SNX18: variants seen among roughly 807,000 people sequenced by gnomAD.
SNX18 encodes sorting nexin-18.
In SNX18, 35 loss-of-function variants were observed where a neutral mutation model predicts 48.7. That is an observed-to-expected ratio of 0.72 (90% confidence interval 0.55 to 0.95). The LOEUF (loss-of-function observed/expected upper bound fraction) is 0.95. Among genes scored for constraint, SNX18 ranks in the 40% least tolerant of loss-of-function variants. SNX18 has a pLI of 0.00. For missense variants in SNX18, 824 were observed against 871.0 expected (o/e 0.95, Z 0.68); for synonymous variants, 492 against 384.7 (o/e 1.28, Z -3.26).
intron 1 of SNX18, among the ~76,000 whole-genome samples, chr5:54,538,246 A>C (rs1580106775): frequency 6.6e-6 from 1 of 152,218 alleles, no homozygotes; most frequent in Non-Finnish European, 1.5e-5. Flanking sequence ...AACACTTGTA[A>C]TATTGTTTCT....
the SNX18 span, among the ~76,000 whole-genome samples, chr5:54,646,816 G>T: frequency 6.6e-6 from 1 of 152,136 alleles, no homozygotes; most frequent in Non-Finnish European, 1.5e-5. Context: ...TCCTACAAAT[G>T]CAAGAGGAAG....
chr5:54,638,434 G>A, the SNX18 span, among the ~76,000 whole-genome samples: 1 of 152,154 alleles, frequency 6.6e-6, no homozygotes, highest in Non-Finnish European at 1.5e-5. Flanking sequence ...CTATAAAATG[G>A]ATGTCACACT....
chr5:54,568,019 A>C, the SNX18 span, among the ~76,000 whole-genome samples: 1 of 152,278 alleles, frequency 6.6e-6, no homozygotes, highest in Non-Finnish European at 1.5e-5. Context: ...CTTGCTTCTA[A>C]AATTTCCTTA....
the SNX18 span, among the ~76,000 whole-genome samples, chr5:54,629,950 T>G: frequency 6.6e-6 from 1 of 152,170 alleles, no homozygotes; most frequent in East Asian, 1.9e-4. Context: ...TAAGAACAAG[T>G]AGGAAATAAT....
the SNX18 span, among the ~76,000 whole-genome samples, chr5:54,615,029 A>G: frequency 2.0e-5 from 3 of 152,278 alleles, no homozygotes; most frequent in African/African-American, 7.2e-5. Flanking sequence ...GACTCTAGGA[A>G]ACATACTCCT....
the SNX18 span, among the ~76,000 whole-genome samples, chr5:54,615,441 C>G: frequency 2.6e-5 from 4 of 150,992 alleles, no homozygotes; most frequent in African/African-American, 9.7e-5. Flanking sequence ...AAAAATCCAG[C>G]TTGGGTCATC....
the SNX18 span, among the ~76,000 whole-genome samples, chr5:54,587,347 A>G: frequency 6.6e-6 from 1 of 152,182 alleles, no homozygotes; most frequent in East Asian, 1.9e-4. Context: ...TTTATATCCT[A>G]TTAAGTACTA....
the SNX18 span, among the ~76,000 whole-genome samples, chr5:54,615,453 C>T: frequency 0.17 from 22,992 of 135,458 alleles, 2,040 homozygotes; most frequent in African/African-American, 0.25. Flanking sequence ...TGGGTCATCT[C>T]CTCTGTAAGG....
In SNX18 at chr5:54,543,352, T is replaced by G; in HGVS notation, c.1795T>G (p.Phe599Val). Residue 599 changes from phenylalanine to valine, a missense_variant, in exon 2 of 2, where the codon TTC (phenylalanine) becomes GTC (valine). Transcript: ENST00000381410. ...AGACTTTAAATCACAGATGCAGCAT[T>G]TCTTACAACAACAAATAATATTTTT... ...VRDFKSQMQHFLQQQIIFFQK... is the reference protein window; with the variant it reads ...VRDFKSQMQHVLQQQIIFFQK... The G allele has an allele frequency of 6.2e-7, 1 of 1,614,218 alleles. No homozygotes were observed. The highest frequency in any genetic ancestry group is 8.5e-7 in the Non-Finnish European group (1 of 1,180,036).
the SNX18 span, among the ~76,000 whole-genome samples, chr5:54,583,553 T>C: frequency 6.6e-6 from 1 of 152,208 alleles, no homozygotes; most frequent in Admixed American, 6.5e-5. Flanking sequence ...TCAGCAAACC[T>C]GGGCCCAGAT....
At chr5:54,537,100 C>G (rs548151709) in intron 1 of SNX18, among the ~76,000 whole-genome samples, 24 of 152,134 alleles carry the variant, frequency 1.6e-4, no homozygotes, top group Non-Finnish European at 2.2e-4. Flanking sequence ...GAGGCTGAGG[C>G]GGGCGGATCA....
chr5:54,603,507 T>C, the SNX18 span, among the ~76,000 whole-genome samples: 1 of 152,178 alleles, frequency 6.6e-6, no homozygotes, highest in Non-Finnish European at 1.5e-5. Flanking sequence ...CCTGGTTATG[T>C]TTTAGTCAAA....
the SNX18 span, among the ~76,000 whole-genome samples, chr5:54,646,390 C>G: frequency 6.6e-6 from 1 of 152,336 alleles, no homozygotes; most frequent in South Asian, 2.1e-4. Context: ...AACAGAAAGA[C>G]TCAGCTTGCC....
the SNX18 span, among the ~76,000 whole-genome samples, chr5:54,613,834 G>A: frequency 6.6e-6 from 1 of 152,144 alleles, no homozygotes; most frequent in Non-Finnish European, 1.5e-5. Flanking sequence ...GAGTAGCTGG[G>A]ATTATAGGCA....
At chr5:54,525,998 G>A (rs1762125320) in intron 1 of SNX18, among the ~76,000 whole-genome samples, 1 of 152,136 alleles carries the variant, frequency 6.6e-6, no homozygotes, top group Admixed American at 6.5e-5. Flanking sequence ...TTAATACCTG[G>A]CCTGCTGCTG....
chr5:54,621,043 C>T, the SNX18 span, among the ~76,000 whole-genome samples: 35 of 152,216 alleles, frequency 2.3e-4, no homozygotes, highest in African/African-American at 7.9e-4. Context: ...AGGTTTACAC[C>T]CCCAGTAAAT....
the SNX18 span, among the ~76,000 whole-genome samples, chr5:54,556,665 G>T: frequency 2.0e-5 from 3 of 152,132 alleles, no homozygotes; most frequent in African/African-American, 7.2e-5. Flanking sequence ...TCTTTGGGTG[G>T]GGCTGGGGAG....
the SNX18 span, among the ~76,000 whole-genome samples, chr5:54,555,944 G>C: frequency 6.6e-6 from 1 of 152,156 alleles, no homozygotes; most frequent in Non-Finnish European, 1.5e-5. Flanking sequence ...TTTATAAGCA[G>C]GGTGATTTAT....
chr5:54,527,162 C>T (rs556994947), intron 1 of SNX18, among the ~76,000 whole-genome samples: 210 of 152,202 alleles, frequency 1.4e-3, no homozygotes, highest in Non-Finnish European at 2.4e-3. Context: ...GAAGCAATTA[C>T]AGGATTTTGA....
Sources: gnomAD v4.1 joint callset for allele counts (sites outside exome capture counted in the v4.1 genomes callset) on GRCh38, gnomAD v4.1.1 for gene constraint, MANE v1.5 for transcripts, NCBI Gene and HGNC (gene_info 2026-07-23, HGNC 2026-07-21) for gene names.